Variants in CHD9 observed in about 807,000 individuals in gnomAD.
CHD9 encodes the protein ATP-dependent chromatin remodeler CHD9.
CHD9 carries 77 observed loss-of-function variants against 316.1 expected under a neutral mutation model. The observed-to-expected ratio is 0.24, with a 90% CI of 0.20 to 0.29. The LOEUF (loss-of-function observed/expected upper bound fraction) is 0.29, where lower values mean the gene tolerates loss of function less well. Among genes scored for constraint, CHD9 ranks in the 10% least tolerant of loss-of-function variants. CHD9 has a pLI of 1.00. For missense variants in CHD9, 2,763 were observed against 3,438.1 expected (o/e 0.80, Z 4.91); for synonymous variants, 1,129 against 1,158.3 (o/e 0.97, Z 0.51).
At chr16:53,228,238 A>G (rs1230800189) in intron 7 of CHD9, among the ~76,000 whole-genome samples, 1 of 152,070 alleles carries the variant, frequency 6.6e-6, no homozygotes, top group Non-Finnish European at 1.5e-5. Context: ...TATAAAATAC[A>G]TTTCTAATCT....
intron 1 of CHD9, among the ~76,000 whole-genome samples, chr16:53,138,336 A>C (rs1399083871): frequency 6.6e-6 from 1 of 152,220 alleles, no homozygotes; most frequent in African/African-American, 2.4e-5. Context: ...ATTTGAGTGA[A>C]ATCACATTTG....
chr16:53,188,374 G>C (rs1437183187), intron 2 of CHD9, among the ~76,000 whole-genome samples: 1 of 151,968 alleles, frequency 6.6e-6, no homozygotes, highest in Non-Finnish European at 1.5e-5. Flanking sequence ...TCTTATGTTT[G>C]ACCTTTTGGG....
chr16:53,063,745 C>T (rs2033205731), intron 1 of CHD9, among the ~76,000 whole-genome samples: 2 of 151,452 alleles, frequency 1.3e-5, no homozygotes, highest in African/African-American at 4.9e-5. Context: ...GTTAGCCAGG[C>T]TGGTCTCAAT....
intron 17 of CHD9, among the ~76,000 whole-genome samples, chr16:53,253,428 TTTGGGGAC>T (rs2050295872): frequency 1.3e-5 from 2 of 152,238 alleles, no homozygotes; most frequent in South Asian, 4.2e-4. Context: ...TATGATGGAC[TTTGGGGAC>T]TTGGGGAGAA....
At chr16:53,277,426 A>C (rs997530346) in intron 24 of CHD9, among the ~76,000 whole-genome samples, 2 of 152,160 alleles carry the variant, frequency 1.3e-5, no homozygotes, top group African/African-American at 4.8e-5. Context: ...AGTGGGTTAC[A>C]TACCAGGGAT....
At chr16:53,133,267 C>G (rs1016447202) in intron 1 of CHD9, among the ~76,000 whole-genome samples, 3 of 152,026 alleles carry the variant, frequency 2.0e-5, no homozygotes, top group Non-Finnish European at 4.4e-5. Context: ...CCTAAAGGCA[C>G]AGGAAATAAC....
intron 2 of CHD9, among the ~76,000 whole-genome samples, chr16:53,196,800 C>T (rs1303700802): frequency 1.3e-5 from 2 of 152,158 alleles, no homozygotes; most frequent in African/African-American, 4.8e-5. Context: ...AATTTTAGAG[C>T]TTTCTAAGCC....
rs1206562236 is a variant in CHD9 at position 53,166,609 on chromosome 16, T to C, written c.1452+9068T>C. On this transcript the variant is annotated intron_variant, in intron 2 of 38. Transcript: ENST00000447540. Reference sequence around the variant, plus strand: ...ATTGTAACATTAATACAAAGCTGTTTTGAAATACTTAAGTATGAATGACAA... The same window carrying C: ...ATTGTAACATTAATACAAAGCTGTTCTGAAATACTTAAGTATGAATGACAA... Among the ~76,000 whole-genome samples the C allele has an allele frequency of 2.6e-5, 4 of 152,282 alleles. No homozygotes were observed. In the East Asian group the frequency reaches 7.7e-4, roughly 29 times the overall value.
chr16:53,190,520 A>G (rs897145937), intron 2 of CHD9, among the ~76,000 whole-genome samples: 3 of 151,898 alleles, frequency 2.0e-5, no homozygotes, highest in African/African-American at 7.3e-5. Flanking sequence ...AACTTACGAA[A>G]TTTTTTTCTA....
intron 1 of CHD9, among the ~76,000 whole-genome samples, chr16:53,076,210 T>A (rs1376870044): frequency 1.3e-5 from 2 of 152,194 alleles, no homozygotes; most frequent in Non-Finnish European, 2.9e-5. Context: ...GTTGTCTTTT[T>A]ACTCTGTTGA....
intron 1 of CHD9, among the ~76,000 whole-genome samples, chr16:53,109,176 T>G (rs1659102766): frequency 6.6e-6 from 1 of 152,070 alleles, no homozygotes; most frequent in South Asian, 2.1e-4. Context: ...TCAGCCAGTT[T>G]CTCCTAATCC....
At chr16:53,124,672 G>T (rs2038891715) in intron 1 of CHD9, among the ~76,000 whole-genome samples, 1 of 151,906 alleles carries the variant, frequency 6.6e-6, no homozygotes, top group Non-Finnish European at 1.5e-5. Context: ...AGAGATGGGG[G>T]TTTCACCATG....
Position 53,273,659 on chromosome 16 carries a change from G to A in CHD9, c.4751G>A (p.Gly1584Glu). The A allele has an allele frequency of 1.2e-6, 2 of 1,612,308 alleles. No individual in the cohort carries two copies. The highest frequency in any genetic ancestry group is 1.7e-6 in the Non-Finnish European group (2 of 1,178,964). The change falls in exon 23 of 39, where the codon GGG becomes GAG. Residue 1584 changes from glycine to glutamate, a missense_variant. Coordinates refer to ENST00000447540, the MANE Select transcript of CHD9 (RefSeq NM_001308319.2). Reference protein sequence around the residue: ...LSAPVPRGRKGKKVKTQTSSF... With the variant: ...LSAPVPRGRKEKKVKTQTSSF... ...GCTCCTGTACCCAGGGGTCGAAAAG[G>A]GAAGAAAGTAAAAACTCAAACAAGC...
intron 4 of CHD9, among the ~76,000 whole-genome samples, chr16:53,223,251 CTT>C (rs58315231): frequency 0.24 from 32,987 of 138,800 alleles, 3,609 homozygotes; most frequent in Middle Eastern, 0.29. Flanking sequence ...TGCATTTTGC[CTT>C]TTTTTTTTTT....
At chr16:53,284,660 C>G (rs372537036) in intron 24 of CHD9, among the ~76,000 whole-genome samples, 3 of 152,228 alleles carry the variant, frequency 2.0e-5, no homozygotes, top group African/African-American at 7.2e-5. Context: ...TAAAATCAGT[C>G]AATCTACAAA....
rs1005497436 is a variant in CHD9, at chr16:53,272,353, G to GA, written c.4718-1263dup. 1.9e-4 allele frequency among the ~76,000 whole-genome samples: 27 copies of GA among 144,862 alleles called. 1 individual carries two copies. The highest frequency in any genetic ancestry group is 7.0e-3 in the Middle Eastern group (2 of 286). ...ATAGTCTCAAAATGTAAAGGCAAAA[G>GA]AAAAAAAAAACCTCTGCCAAAATTA... is the stretch of plus-strand genomic sequence containing the variant. On this transcript the variant is annotated intron_variant, in intron 22 of 38. Transcript: ENST00000447540.
chr16:53,239,887 T>G (rs1244367010), intron 12 of CHD9, among the ~76,000 whole-genome samples: 1 of 152,206 alleles, frequency 6.6e-6, no homozygotes, highest in Admixed American at 6.5e-5. Flanking sequence ...CAAAGGTGAC[T>G]ATTTTCAATT....
chr16:53,121,763 G>C (rs2038749598), intron 1 of CHD9: 1 of 161,276 alleles, frequency 6.2e-6, no homozygotes, highest in Non-Finnish European at 1.4e-5. Flanking sequence ...ACAAGAGCCT[G>C]AAAAAGAAGT....
At chr16:53,236,855 G>T (rs535620225) in intron 11 of CHD9, among the ~76,000 whole-genome samples, 4 of 152,044 alleles carry the variant, frequency 2.6e-5, no homozygotes, top group East Asian at 3.9e-4. Flanking sequence ...ATAGTCTGCT[G>T]GTTCTTCCTC....
Sources: allele counts gnomAD v4.1 joint callset (sites outside exome capture counted in the v4.1 genomes callset), GRCh38; gene constraint gnomAD v4.1.1; transcripts MANE v1.5; gene names NCBI Gene and HGNC (gene_info 2026-07-23, HGNC 2026-07-21).